The following TENM1 variants were observed in gnomAD, a reference collection of about 807,000 sequenced individuals.
TENM1 encodes teneurin transmembrane protein 1.
A neutral mutation model predicts 174.8 loss-of-function variants in TENM1; 35 were observed. The ratio of observed to expected loss-of-function variants is 0.20; its 90% CI spans 0.15 to 0.27. The LOEUF (loss-of-function observed/expected upper bound fraction) is 0.27, where lower values mean the gene tolerates loss of function less well. TENM1 is among the 10% of genes least tolerant of loss of function. The pLI, the probability that TENM1 is intolerant of heterozygous loss-of-function variation, is 1.00. For missense variants in TENM1, 1,633 were observed against 2,130.1 expected (o/e 0.77, Z 4.59); for synonymous variants, 781 against 798.7 (o/e 0.98, Z 0.37).
intron 5 of TENM1, among the ~76,000 whole-genome samples, chrX:124,686,070 A>C (rs984217167): frequency 9.1e-6 from 1 of 110,466 alleles, no homozygotes; most frequent in African/African-American, 3.4e-5. Flanking sequence ...AATTCACACA[A>C]GTTAACAACA....
At chrX:124,492,684 T>C (rs1292261098) in intron 20 of TENM1, among the ~76,000 whole-genome samples, 1 of 110,650 alleles carries the variant, frequency 9.0e-6, no homozygotes, top group Non-Finnish European at 1.9e-5. Context: ...CTTATTTCTT[T>C]GATGGCCAAT....
chrX:124,481,878 T>C (rs2046853354), exon 22 of TENM1: 1 of 1,205,169 alleles, frequency 8.3e-7, no homozygotes, highest in Non-Finnish European at 1.1e-6. Flanking sequence ...TTTCAACTTG[T>C]AGACTTTGCG....
At chrX:124,653,813 C>A (rs762680624) in intron 6 of TENM1, 30 bp from the exon 10 acceptor site, 1 of 1,080,420 alleles carries the variant, frequency 9.3e-7, no homozygotes, top group Non-Finnish European at 1.3e-6. Context: ...AAATTACACA[C>A]CATGTTAATC....
chrX:124,854,353 G>A (rs2056776958), intron 3 of TENM1, among the ~76,000 whole-genome samples: 1 of 110,779 alleles, frequency 9.0e-6, no homozygotes, highest in Non-Finnish European at 1.9e-5. Flanking sequence ...GGGACTCAGG[G>A]GAAAGGGTAG....
the TENM1 span, among the ~76,000 whole-genome samples, chrX:125,185,058 T>G: frequency 9.3e-6 from 1 of 107,659 alleles, no homozygotes; most frequent in Non-Finnish European, 1.9e-5. Context: ...ACCTGTTTAT[T>G]GGACATATAT....
chrX:124,841,315 A>G (rs1286384741), intron 3 of TENM1, among the ~76,000 whole-genome samples: 2 of 111,940 alleles, frequency 1.8e-5, no homozygotes, highest in African/African-American at 6.5e-5. Flanking sequence ...ACAGGGAGCA[A>G]ATGGATCAGC....
At chrX:125,077,169 A>G in the TENM1 span, among the ~76,000 whole-genome samples, 4 of 111,584 alleles carry the variant, frequency 3.6e-5, no homozygotes. Context: ...AGTTTTCCAT[A>G]ATTTTCATCC....
chrX:125,004,478 A>C, the TENM1 span, among the ~76,000 whole-genome samples: 1 of 112,284 alleles, frequency 8.9e-6, no homozygotes, highest in Non-Finnish European at 1.9e-5. Context: ...CAGGGAGGAC[A>C]AGATGACAAA....
chrX:124,652,244 G>A (rs2051326857), intron 7 of TENM1, 120 bp from the exon 11 acceptor site: 1 of 898,170 alleles, frequency 1.1e-6, no homozygotes, highest in African/African-American at 2.0e-5. Context: ...AATTGGAAGA[G>A]GAGGTTATCA....
chrX:124,453,269 A>C (rs895323124), intron 23 of TENM1, 68 bp downstream of exon 26: 18 of 1,046,162 alleles, frequency 1.7e-5, no homozygotes, highest in Non-Finnish European at 2.3e-5. Flanking sequence ...TCATTTCTAC[A>C]TGAGAAAATT....
chrX:124,905,581 G>T (rs2057734726), intron 1 of TENM1, among the ~76,000 whole-genome samples: 1 of 111,681 alleles, frequency 9.0e-6, no homozygotes, highest in South Asian at 3.7e-4. Context: ...CAATCCCTGA[G>T]ATATGAGAAA....
intron 11 of TENM1, among the ~76,000 whole-genome samples, chrX:124,605,762 A>G (rs1008252757): frequency 9.0e-6 from 1 of 111,574 alleles, no homozygotes; most frequent in Non-Finnish European, 1.9e-5. Flanking sequence ...TGGAATACCA[A>G]TGTTGCGCAT....
chrX:124,575,040 TG>T (rs1359426236), intron 11 of TENM1, among the ~76,000 whole-genome samples: 1 of 112,258 alleles, frequency 8.9e-6, no homozygotes, highest in Non-Finnish European at 1.9e-5. Context: ...CACACATGCA[TG>T]CACATGCACA....
chrX:124,668,738 T>C (rs1260204134), intron 6 of TENM1, among the ~76,000 whole-genome samples: 1 of 110,643 alleles, frequency 9.0e-6, no homozygotes, highest in African/African-American at 3.3e-5. Flanking sequence ...TTAGGAGATA[T>C]ACCTAATGTT....
intron 3 of TENM1, among the ~76,000 whole-genome samples, chrX:124,767,892 T>C (rs192322530): frequency 1.8e-5 from 2 of 111,883 alleles, no homozygotes; most frequent in East Asian, 2.8e-4. Flanking sequence ...CAAATTTTTA[T>C]GGATAGTTGG....
the TENM1 span, among the ~76,000 whole-genome samples, chrX:125,121,492 T>C: frequency 0.027 from 2,977 of 112,197 alleles, 92 homozygotes; most frequent in African/African-American, 0.091. Context: ...ATTGTGGAAT[T>C]TGTCCCATTT....
the TENM1 span, among the ~76,000 whole-genome samples, chrX:124,996,006 C>T: frequency 9.0e-6 from 1 of 110,830 alleles, no homozygotes; most frequent in Non-Finnish European, 1.9e-5. Flanking sequence ...GAAATATGTG[C>T]ACTTTATACT....
intron 1 of TENM1, among the ~76,000 whole-genome samples, chrX:124,907,390 C>T (rs192061547): frequency 3.4e-4 from 38 of 112,220 alleles, no homozygotes; most frequent in Non-Finnish European, 6.2e-4. Flanking sequence ...GAGGTTTATT[C>T]CTAATCTGGC....
intron 11 of TENM1, 85 bp downstream of exon 14, chrX:124,641,706 T>C: frequency 4.3e-6 from 4 of 921,311 alleles, no homozygotes; most frequent in Non-Finnish European, 6.3e-6. Flanking sequence ...GGTGTACAGA[T>C]CATATTTTAA....
Sources: allele counts gnomAD v4.1 joint callset (sites outside exome capture counted in the v4.1 genomes callset), GRCh38; gene constraint gnomAD v4.1.1; transcripts MANE v1.5; gene names NCBI Gene and HGNC (gene_info 2026-07-23, HGNC 2026-07-21).